Variants in TFEC observed in about 807,000 individuals in gnomAD.
The protein encoded by TFEC is class E basic helix-loop-helix protein 34.
In TFEC, 31 loss-of-function variants were observed where a neutral mutation model predicts 41.6. That is an observed-to-expected ratio of 0.74 (90% confidence interval 0.56 to 1.01). The LOEUF is 1.01. Among genes scored for constraint, TFEC ranks in the 50% least tolerant of loss-of-function variants. The pLI, the probability that TFEC is intolerant of heterozygous loss-of-function variation, is 0.00. For missense variants in TFEC, 402 were observed against 404.1 expected (o/e 0.99, Z 0.04); for synonymous variants, 143 against 140.6 (o/e 1.02, Z -0.12).
intron 1 of TFEC, among the ~76,000 whole-genome samples, chr7:116,003,228 T>A (rs1373361842): frequency 7.1e-6 from 1 of 140,516 alleles, no homozygotes; most frequent in Non-Finnish European, 1.5e-5. Context: ...CTCTCTCACA[T>A]TACCATTTTT....
chr7:116,022,130 A>G (rs1795420448), intron 1 of TFEC, among the ~76,000 whole-genome samples: 1 of 152,146 alleles, frequency 6.6e-6, no homozygotes, highest in Non-Finnish European at 1.5e-5. Flanking sequence ...GTGTCCTCTA[A>G]CAAGGGAGAG....
At chr7:116,024,151 C>A (rs1447742917) in intron 1 of TFEC, among the ~76,000 whole-genome samples, 1 of 152,130 alleles carries the variant, frequency 6.6e-6, no homozygotes, top group African/African-American at 2.4e-5. Context: ...CATGTTACCT[C>A]TACAACTACT....
chr7:115,980,872 GAATA>G (rs1222337258), intron 2 of TFEC, among the ~76,000 whole-genome samples: 7 of 151,892 alleles, frequency 4.6e-5, no homozygotes, highest in Non-Finnish European at 8.8e-5. Flanking sequence ...AAGACTAAAT[GAATA>G]CTCTCTTATT....
At chr7:116,094,449 G>C (rs759927349) in intron 3 of TFEC, among the ~76,000 whole-genome samples, 3 of 152,194 alleles carry the variant, frequency 2.0e-5, no homozygotes, top group Admixed American at 6.5e-5. Flanking sequence ...GGGAGGCTGA[G>C]ACAGGCGGAC....
intron 1 of TFEC, among the ~76,000 whole-genome samples, chr7:115,990,204 C>A (rs1454414638): frequency 3.3e-5 from 5 of 152,154 alleles, no homozygotes; most frequent in African/African-American, 1.2e-4. Flanking sequence ...GAAAGGACAT[C>A]CACACCAAAA....
chr7:116,139,190 T>A (rs1219985764), intron 1 of TFEC, among the ~76,000 whole-genome samples: 1 of 152,108 alleles, frequency 6.6e-6, no homozygotes, highest in Non-Finnish European at 1.5e-5. Context: ...GGGCAAGAGG[T>A]AAAAAGTTCA....
intron 3 of TFEC, among the ~76,000 whole-genome samples, chr7:116,096,305 G>A (rs867176374): frequency 6.6e-6 from 1 of 152,048 alleles, no homozygotes; most frequent in Non-Finnish European, 1.5e-5. Flanking sequence ...CTTCACTTTT[G>A]TATTGCTATT....
intron 1 of TFEC, among the ~76,000 whole-genome samples, chr7:116,029,904 C>CAA (rs34533153): frequency 4.9e-4 from 72 of 146,714 alleles, no homozygotes; most frequent in South Asian, 6.4e-4. Flanking sequence ...ACTAAAGATA[C>CAA]AAAAAAAAAA....
At chr7:116,119,122 G>A (rs1798054549) in intron 1 of TFEC, among the ~76,000 whole-genome samples, 2 of 151,726 alleles carry the variant, frequency 1.3e-5, no homozygotes, top group South Asian at 4.2e-4. Flanking sequence ...ACTTTGCTAA[G>A]CATTTTATTT....
In TFEC at chr7:115,937,928, A is replaced by G. The variant is rs1020852196; in HGVS notation, c.*2623T>C. 6.6e-6 allele frequency: 1 copy of G among 151,932 alleles called. No individual in the cohort carries two copies. Among genetic ancestry groups the G allele is most frequent in the Non-Finnish European group, 1.5e-5 (1 of 67,864 alleles). The allele number at this position is 151,932 out of a possible 1,614,324, so 9.4% of individuals were successfully genotyped here. ...ACTAGATTCTCAAGGTATCTGCCTT[A>G]AAAAGTTAAGAACTACCATCTAATT... On this transcript the variant is annotated 3_prime_UTR_variant, in exon 8 of 8. Coordinates refer to ENST00000265440, the MANE Select transcript of TFEC (RefSeq NM_012252.4).
chr7:116,097,128 G>T (rs1797484000), intron 3 of TFEC, among the ~76,000 whole-genome samples: 2 of 151,776 alleles, frequency 1.3e-5, no homozygotes, highest in African/African-American at 2.4e-5. Flanking sequence ...AAGAAAGTGG[G>T]CAGGATAAAA....
intron 4 of TFEC, among the ~76,000 whole-genome samples, chr7:115,955,431 A>T (rs753383978): frequency 2.0e-4 from 30 of 152,218 alleles, no homozygotes; most frequent in Admixed American, 9.8e-4. Flanking sequence ...AACCCTATGA[A>T]GAAGTCCAAG....
intron 2 of TFEC, among the ~76,000 whole-genome samples, chr7:115,975,826 A>T (rs779845961): frequency 3.5e-4 from 53 of 152,208 alleles, no homozygotes; most frequent in Admixed American, 1.0e-3. Flanking sequence ...AAACACCTAA[A>T]GTAGGAACAA....
chr7:115,989,869 A>G (rs1794029044), intron 1 of TFEC, among the ~76,000 whole-genome samples: 1 of 152,212 alleles, frequency 6.6e-6, no homozygotes, highest in Non-Finnish European at 1.5e-5. Context: ...ACAGCTTTGA[A>G]GAGAGTAGTG....
At chr7:116,024,761 C>T (rs1350949931) in intron 1 of TFEC, among the ~76,000 whole-genome samples, 1 of 152,116 alleles carries the variant, frequency 6.6e-6, no homozygotes, top group African/African-American at 2.4e-5. Context: ...CATGTTTTAG[C>T]TTATCCATTT....
At chr7:116,144,311 T>A (rs1357946849) in intron 1 of TFEC, among the ~76,000 whole-genome samples, 1 of 152,122 alleles carries the variant, frequency 6.6e-6, no homozygotes, top group Non-Finnish European at 1.5e-5. Context: ...AACTGAAGTA[T>A]TCACAAGGCA....
intron 2 of TFEC, among the ~76,000 whole-genome samples, chr7:115,974,542 G>A (rs928125922): frequency 6.8e-6 from 1 of 148,136 alleles, no homozygotes; most frequent in Non-Finnish European, 1.5e-5. Flanking sequence ...AAGGCTGACA[G>A]GTGACAACTT....
chr7:116,099,070 G>A (rs1797542916), intron 3 of TFEC, among the ~76,000 whole-genome samples: 1 of 152,040 alleles, frequency 6.6e-6, no homozygotes, highest in African/African-American at 2.4e-5. Context: ...TCATTAAATT[G>A]GACTTTATCA....
chr7:116,022,227 G>A (rs1795423905), intron 1 of TFEC, among the ~76,000 whole-genome samples: 1 of 152,194 alleles, frequency 6.6e-6, no homozygotes, highest in Admixed American at 6.5e-5. Context: ...TGATGCCATT[G>A]TTGGCAGCGG....
Sources: allele counts gnomAD v4.1 joint callset (sites outside exome capture counted in the v4.1 genomes callset), GRCh38; gene constraint gnomAD v4.1.1; transcripts MANE v1.5; gene names NCBI Gene and HGNC (gene_info 2026-07-23, HGNC 2026-07-21).